Variants in DYRK3 observed in about 807,000 individuals in gnomAD.
DYRK3 encodes the protein dual specificity tyrosine phosphorylation regulated kinase 3.
In DYRK3, 30 loss-of-function variants were observed where a neutral mutation model predicts 40.8. The ratio of observed to expected loss-of-function variants is 0.74; its 90% confidence interval spans 0.55 to 1.00. DYRK3 has a LOEUF of 1.00. Ranked by LOEUF, DYRK3 falls within the 50% of genes least tolerant of loss-of-function variation. The pLI is 0.00. For missense variants in DYRK3, 699 were observed against 731.5 expected, an observed-to-expected ratio of 0.96 and a Z score of 0.51; for synonymous variants, 272 against 260.7, an observed-to-expected ratio of 1.04 and a Z score of -0.42.
intron 2 of DYRK3, among the ~76,000 whole-genome samples, chr1:206,641,288 C>T (rs1292145758): frequency 2.0e-5 from 3 of 152,104 alleles, no homozygotes; most frequent in Non-Finnish European, 4.4e-5. Context: ...GCCCTTTCAT[C>T]GTCTTCATAG....
intron 2 of DYRK3, among the ~76,000 whole-genome samples, chr1:206,646,271 GTAAT>G (rs1389025653): frequency 6.6e-6 from 1 of 152,030 alleles, no homozygotes; most frequent in Non-Finnish European, 1.5e-5. Flanking sequence ...TTTTGTAATA[GTAAT>G]TAATTAATAT....
chr1:206,649,067 A>G lies in DYRK3; in HGVS notation c.*102A>G. On this transcript the variant is annotated 3_prime_UTR_variant, in exon 3 of 3. Transcript: ENST00000367109. ...GCCCATTGGTGGATGTTTTTGTTAGAGTAGACTTTTTTTAAACAAGACAAA... is the reference window on the plus strand; with the variant it reads ...GCCCATTGGTGGATGTTTTTGTTAGGGTAGACTTTTTTTAAACAAGACAAA... 1 of 1,294,074 alleles carries G rather than the reference A, an allele frequency of 7.7e-7. No individual in the cohort carries two copies. The highest frequency in any genetic ancestry group is 1.5e-5 in the African/African-American group (1 of 67,488). 80.2% of individuals were successfully genotyped at this position (1,294,074 alleles called of 1,614,324 possible).
rs1344268297 is a variant in DYRK3, at chr1:206,651,782, A to G, written c.*2817A>G. ...GCAGATCAGGGAGCATTGAACCTCT[A>G]CAATTTGCTGCATTGGATTTCTGCA... On this transcript the variant is annotated 3_prime_UTR_variant, in exon 3 of 3. Transcript: ENST00000367109. Among the ~76,000 whole-genome samples the G allele has an allele frequency of 6.6e-6, 1 of 152,226 alleles. No homozygotes were observed. Among genetic ancestry groups the G allele is most frequent in the African/African-American group, 2.4e-5 (1 of 41,454 alleles).
Position 206,653,204 on chromosome 1 carries a change from G to C in DYRK3, c.*4239G>C, listed in dbSNP as rs1671676443. On this transcript the variant is annotated 3_prime_UTR_variant, in exon 3 of 3. Transcript: ENST00000367109. ...GGCTAATTTTTTGTATATCTGTAGA[G>C]AGGGGGTTTCACCATGTTGCTCGGG... 6.6e-6 allele frequency among the ~76,000 whole-genome samples: 1 copy of C among 152,090 alleles called. No individual in the cohort carries two copies. Among genetic ancestry groups the C allele is most frequent in the African/African-American group, 2.4e-5 (1 of 41,404 alleles).
intron 2 of DYRK3, among the ~76,000 whole-genome samples, chr1:206,643,962 A>G (rs1241588603): frequency 2.0e-5 from 3 of 150,758 alleles, no homozygotes; most frequent in Non-Finnish European, 3.0e-5. Flanking sequence ...ACATCCTGCA[A>G]GTAGATATTA....
chr1:206,636,084 A>G (rs1671098410), intron 1 of DYRK3: 1 of 1,508,816 alleles, frequency 6.6e-7, no homozygotes, highest in East Asian at 2.6e-5. Flanking sequence ...AAAATCTAGG[A>G]CTTTTTGTGG....
intron 2 of DYRK3, among the ~76,000 whole-genome samples, chr1:206,638,507 C>T (rs1671186247): frequency 6.6e-6 from 1 of 151,326 alleles, no homozygotes; most frequent in Non-Finnish European, 1.5e-5. Context: ...AACTCCTGAC[C>T]TCGTGATCCA....
At chr1:206,647,336 C>T (rs1671482938) in intron 2 of DYRK3, 52 bp from the exon 3 acceptor site, 1 of 1,501,116 alleles carries the variant, frequency 6.7e-7, no homozygotes, top group African/African-American at 1.4e-5. Context: ...AGGGAGGATT[C>T]TTCCATCTTT....
intron 1 of DYRK3, chr1:206,637,077 A>G (rs1403957666): frequency 2.5e-6 from 2 of 798,834 alleles, no homozygotes; most frequent in East Asian, 5.2e-5. Flanking sequence ...TAAGTAAATG[A>G]ATAAAGAGAA....
Position 206,649,276 on chromosome 1 carries a change from G to T in DYRK3, c.*311G>T. ...AAATCTCTTTCTCTCAAGATAGAAGGTGTAGCAAAAGTATCCCAACTACTC... is the reference window on the plus strand; with the variant it reads ...AAATCTCTTTCTCTCAAGATAGAAGTTGTAGCAAAAGTATCCCAACTACTC... On this transcript the variant is annotated 3_prime_UTR_variant, in exon 3 of 3. Coordinates refer to ENST00000367109, the MANE Select transcript of DYRK3 (RefSeq NM_003582.4). 1 of 255,320 alleles carries T rather than the reference G, an allele frequency of 3.9e-6. No homozygotes were observed. Among genetic ancestry groups the T allele is most frequent in the Non-Finnish European group, 7.6e-6 (1 of 131,456 alleles). 15.8% of individuals were successfully genotyped at this position (255,320 alleles called of 1,614,324 possible). A position where few individuals can be genotyped will look rare whatever the true frequency, so the allele number is the denominator to read the frequency against.
chr1:206,638,270 CTTTTTTTTT>C (rs55807350), intron 2 of DYRK3, among the ~76,000 whole-genome samples: 2 of 73,538 alleles, frequency 2.7e-5, no homozygotes, highest in Non-Finnish European at 5.1e-5. Context: ...AGACACTTAG[CTTTTTTTTT>C]TTTTTTTTTT....
chr1:206,636,207 C>G lies in DYRK3; in HGVS notation c.77+427C>G, dbSNP rs1671103891. On this transcript the variant is annotated intron_variant, in intron 1 of 2. Transcript: ENST00000367109. ...TGGGGTTTGCTGTGAGGGGTGCGGT[C>G]TAGCTTCGAATGTACAGGTTATGGG... 4 of 571,502 alleles carry G rather than the reference C, an allele frequency of 7.0e-6. No homozygotes were observed. In the Middle Eastern group the frequency reaches 1.4e-3, roughly 199 times the overall value. 35.4% of individuals were successfully genotyped at this position (571,502 alleles called of 1,614,324 possible).
chr1:206,647,716 C>T lies in DYRK3; in HGVS notation c.518C>T (p.Pro173Leu). 1.9e-6 allele frequency: 3 copies of T among 1,614,044 alleles called. No individual in the cohort carries two copies. The highest frequency in any genetic ancestry group is 2.5e-6 in the Non-Finnish European group (3 of 1,180,010). The change falls in exon 3 of 3, where the codon CCA (proline) becomes CTA (leucine). Residue 173 changes from proline (P) to leucine (L), a missense_variant. Pro to Leu is a moderately conservative substitution (Grantham distance 98). Coordinates refer to ENST00000367109, the MANE Select transcript of DYRK3 (RefSeq NM_003582.4). ...TATCCAGAAATTTACTTTGTAGGTCCAAATGCCAAGAAAAGACATGGAGTT... is the reference window on the plus strand; with the variant it reads ...TATCCAGAAATTTACTTTGTAGGTCTAAATGCCAAGAAAAGACATGGAGTT... Reference protein sequence around the residue: ...INYPEIYFVGPNAKKRHGVIG... With the variant: ...INYPEIYFVGLNAKKRHGVIG...
chr1:206,635,685 C>A lies in DYRK3; in HGVS notation c.-19C>A. The stretch of plus-strand genomic sequence containing the variant: ...CCCCCAACTGGCGCCTCTCCCCGCG[C>A]GGGGTCCCGAGCTAGGAGATGGGAG... On this transcript the variant is annotated 5_prime_UTR_variant, in exon 1 of 3. Coordinates refer to ENST00000367109, the MANE Select transcript of DYRK3 (RefSeq NM_003582.4). 1 of 1,245,858 alleles carries A rather than the reference C, an allele frequency of 8.0e-7. No individual in the cohort carries two copies. Among genetic ancestry groups the A allele is most frequent in the South Asian group, 4.0e-5 (1 of 25,008 alleles). The allele number at this position is 1,245,858 out of a possible 1,614,324, so 77.2% of individuals were successfully genotyped here. A position where few individuals can be genotyped will look rare whatever the true frequency, so the allele number is the denominator to read the frequency against.
At chr1:206,642,131 C>T (rs1177067324) in intron 2 of DYRK3, among the ~76,000 whole-genome samples, 2 of 150,658 alleles carry the variant, frequency 1.3e-5, no homozygotes, top group Non-Finnish European at 2.9e-5. Context: ...TATGAACAGA[C>T]ACTTCTCAAA....
chr1:206,646,472 A>T lies in DYRK3; in HGVS notation c.190-916A>T, dbSNP rs191058816. On this transcript the variant is annotated intron_variant, in intron 2 of 2. Coordinates refer to ENST00000367109, the MANE Select transcript of DYRK3 (RefSeq NM_003582.4). ...AAGGAGTAGTACTCCTTTATCAAGTAGGCTCTTGCTAGGGAAGAGTTTTAT... is the reference window on the plus strand; with the variant it reads ...AAGGAGTAGTACTCCTTTATCAAGTTGGCTCTTGCTAGGGAAGAGTTTTAT... Among the ~76,000 whole-genome samples, 522 of 152,132 alleles carry T rather than the reference A, an allele frequency of 3.4e-3. 2 individuals carry two copies. Among genetic ancestry groups the T allele is most frequent in the Non-Finnish European group, 5.5e-3 (375 of 68,022 alleles).
In DYRK3 at chr1:206,635,736, G is replaced by C. The variant is rs1162546421; in HGVS notation, c.33G>C (p.Lys11Asn). 2.4e-6 allele frequency: 3 copies of C among 1,246,350 alleles called. No homozygotes were observed. Among genetic ancestry groups the C allele is most frequent in the African/African-American group, 3.1e-5 (2 of 64,458 alleles). The allele number at this position is 1,246,350 out of a possible 1,614,324, so 77.2% of individuals were successfully genotyped here. A position where few individuals can be genotyped will look rare whatever the true frequency, so the allele number is the denominator to read the frequency against. ...GCACAGCTCGTGGGCCTGGGCGGAAGGATGCGGGGCCGCCTGGGGCCGGGC... is the reference window on the plus strand; with the variant it reads ...GCACAGCTCGTGGGCCTGGGCGGAACGATGCGGGGCCGCCTGGGGCCGGGC... MGGTARGPGR[K>N]DAGPPGAGLP... The change falls in exon 1 of 3, where the codon AAG becomes AAC. Residue 11 changes from lysine to asparagine, a missense_variant. Coordinates refer to ENST00000367109, the MANE Select transcript of DYRK3 (RefSeq NM_003582.4).
At chr1:206,646,107 C>G (rs180990131) in intron 2 of DYRK3, among the ~76,000 whole-genome samples, 101 of 152,304 alleles carry the variant, frequency 6.6e-4, no homozygotes, top group African/African-American at 2.3e-3. Context: ...GCCTTGGCCT[C>G]CCAGAGTGCT....
In DYRK3 at chr1:206,653,140, C is replaced by T. The variant is rs142144188; in HGVS notation, c.*4175C>T. Among the ~76,000 whole-genome samples, 25 of 152,112 alleles carry T rather than the reference C, an allele frequency of 1.6e-4. No individual in the cohort carries two copies. The highest frequency in any genetic ancestry group is 6.0e-4 in the African/African-American group (25 of 41,402). Reference sequence around the variant, plus strand: ...TCAGGTGATTCTCCCATCTCAACCTCCAGAGTAACTGGGACTACAGTCACG... The same window carrying T: ...TCAGGTGATTCTCCCATCTCAACCTTCAGAGTAACTGGGACTACAGTCACG... On this transcript the variant is annotated 3_prime_UTR_variant, in exon 3 of 3. Coordinates refer to ENST00000367109, the MANE Select transcript of DYRK3 (RefSeq NM_003582.4).
Sources: allele counts gnomAD v4.1 joint callset (sites outside exome capture counted in the v4.1 genomes callset), GRCh38; gene constraint gnomAD v4.1.1; transcripts MANE v1.5; gene names NCBI Gene and HGNC (gene_info 2026-07-23, HGNC 2026-07-21).